Variants in LRP8 observed in about 807,000 individuals in gnomAD.
LRP8 encodes low-density lipoprotein receptor-related protein 8.
A neutral mutation model predicts 111.6 loss-of-function variants in LRP8; 46 were observed. The observed-to-expected ratio is 0.41, with a 90% CI of 0.33 to 0.53. The LOEUF is 0.53. Among genes scored for constraint, LRP8 ranks in the 20% least tolerant of loss-of-function variants. The probability of loss-of-function intolerance (pLI) is 0.20; values close to 1 mark genes in which losing one functional copy is unlikely to be tolerated. For missense variants in LRP8, 959 were observed against 1,297.4 expected, an observed-to-expected ratio of 0.74 and a Z score of 4.01; for synonymous variants, 464 against 511.2, an observed-to-expected ratio of 0.91 and a Z score of 1.24.
intron 8 of LRP8, chr1:53,268,101 A>G (rs1259334211): frequency 1.3e-5 from 2 of 152,452 alleles, no homozygotes; most frequent in East Asian, 3.8e-4. Flanking sequence ...AGTGTGGTAC[A>G]AATAGCATGG....
chr1:53,249,563 G>C lies in LRP8; in HGVS notation c.2677-7C>G. ...GATCAAAGCTGCTGATTGCCTGACA[G>C]GGGGATGGCACTGTGGATGACCTCT... On this transcript the variant is annotated splice_polypyrimidine_tract_variant and splice_region_variant and intron_variant, in intron 17 of 18. Transcript: ENST00000306052. This position sits in a 1 kb window ranked among gnomAD's most constrained non-coding sequence, Gnocchi z 4.1. The C allele has an allele frequency of 2.5e-6, 4 of 1,585,696 alleles. No individual in the cohort carries two copies. In the South Asian group the frequency reaches 3.4e-5, roughly 14 times the overall value.
At chr1:53,318,104 G>A (rs1360112062) in intron 2 of LRP8, among the ~76,000 whole-genome samples, 2 of 152,226 alleles carry the variant, frequency 1.3e-5, no homozygotes, top group Non-Finnish European at 2.9e-5. Flanking sequence ...GGAAAATGAA[G>A]TTCAGAGAGG....
intron 2 of LRP8, among the ~76,000 whole-genome samples, chr1:53,302,856 A>ATTTTTTTTTTTTTTTTTTTTTTT (rs769628078): frequency 7.9e-6 from 1 of 126,588 alleles, no homozygotes; most frequent in South Asian, 2.6e-4. Context: ...CACCCAGCTA[A>ATTTTTTTTTTTTTTTTTTTTTTT]TTTTTTTTTT....
chr1:53,282,477 T>C (rs952089279), intron 3 of LRP8, among the ~76,000 whole-genome samples: 1 of 151,618 alleles, frequency 6.6e-6, no homozygotes, highest in African/African-American at 2.4e-5. Context: ...AAACTGGGAG[T>C]TGGGAGATGG....
chr1:53,264,751 C>T (rs1572473978), intron 9 of LRP8, among the ~76,000 whole-genome samples: 1 of 152,106 alleles, frequency 6.6e-6, no homozygotes, highest in African/African-American at 2.4e-5. Flanking sequence ...TCCTGAAGGA[C>T]GAGTTCACCA....
At chr1:53,248,861 G>T (rs1488890062) in intron 18 of LRP8, among the ~76,000 whole-genome samples, 2 of 152,192 alleles carry the variant, frequency 1.3e-5, no homozygotes, top group Non-Finnish European at 2.9e-5. Flanking sequence ...TCTCACACGT[G>T]CTATCTCACT....
In LRP8 at chr1:53,275,557, T is replaced by C; in HGVS notation, c.1006+74A>G. ...GGACCAAGGGGAAACTCCTCCCAAC[T>C]CTGCCCTCTGGAGAGTTACCAGAGC... On this transcript the variant is annotated intron_variant, in intron 6 of 18. Transcript: ENST00000306052. This position sits in a 1 kb window ranked among gnomAD's most constrained non-coding sequence, Gnocchi z 4.4. The C allele has an allele frequency of 6.3e-7, 1 of 1,576,236 alleles. No homozygotes were observed. Among genetic ancestry groups the C allele is most frequent in the South Asian group, 1.1e-5 (1 of 87,944 alleles).
chr1:53,304,707 C>T (rs1456533319), intron 2 of LRP8: 3 of 152,392 alleles, frequency 2.0e-5, no homozygotes, highest in African/African-American at 7.2e-5. Context: ...GGACCACCCA[C>T]CCATCTGAGG....
At chr1:53,297,272 G>A (rs1376633568) in intron 2 of LRP8, among the ~76,000 whole-genome samples, 2 of 152,224 alleles carry the variant, frequency 1.3e-5, no homozygotes, top group Non-Finnish European at 2.9e-5. Context: ...GCCAGAGTCG[G>A]AGATGTCGAT....
At chr1:53,261,374 A>G (rs1646333706) in intron 12 of LRP8, among the ~76,000 whole-genome samples, 1 of 152,254 alleles carries the variant, frequency 6.6e-6, no homozygotes, top group South Asian at 2.1e-4. Context: ...TTTGCCCACA[A>G]CTTCAGAGCA....
chr1:53,313,487 G>C (rs774598882), intron 2 of LRP8, among the ~76,000 whole-genome samples: 40 of 152,116 alleles, frequency 2.6e-4, no homozygotes, highest in Non-Finnish European at 4.9e-4. Context: ...ACTGCATTGT[G>C]AACCACAGAC....
In LRP8 at chr1:53,292,136, C is replaced by G. The variant is rs139279520; in HGVS notation, c.245-2447G>C. 15 of 152,352 alleles carry G rather than the reference C, an allele frequency of 9.8e-5. No homozygotes were observed. In the East Asian group the frequency reaches 2.3e-3, roughly 23 times the overall value. The allele number at this position is 152,352 out of a possible 1,614,324, so 9.4% of individuals were successfully genotyped here. A position where few individuals can be genotyped will look rare whatever the true frequency, so the allele number is the denominator to read the frequency against. On this transcript the variant is annotated intron_variant, in intron 2 of 18. Coordinates refer to ENST00000306052, the MANE Select transcript of LRP8 (RefSeq NM_004631.5). ...TTCTGGGGCTGCAGGCCTGCTCCCC[C>G]TCCTCTGGGGAGCCTGGCAAGGATT...
intron 6 of LRP8, among the ~76,000 whole-genome samples, chr1:53,272,014 C>T (rs1646773996): frequency 6.6e-6 from 1 of 151,964 alleles, no homozygotes; most frequent in South Asian, 2.1e-4. Context: ...CTGGACAGGG[C>T]CCAGAGCTAG....
intron 6 of LRP8, chr1:53,272,655 G>A: frequency 3.1e-6 from 4 of 1,289,528 alleles, no homozygotes; most frequent in Non-Finnish European, 4.0e-6. Context: ...GAAAGAACAA[G>A]ACCACAGCAA....
At position 53,266,985 on chromosome 1, in the gene LRP8, A is replaced by G; in HGVS notation, c.1253-338T>C. Reference sequence around the variant, plus strand: ...GTCCAGCCTCATTACTCGCCTCTCCAACATAGCTTGATTCCACCTACCAGA... The same window carrying G: ...GTCCAGCCTCATTACTCGCCTCTCCGACATAGCTTGATTCCACCTACCAGA... On this transcript the variant is annotated intron_variant, in intron 8 of 18. Transcript: ENST00000306052. This position sits in a 1 kb window ranked among gnomAD's most constrained non-coding sequence, Gnocchi z 5.0. The G allele has an allele frequency of 4.3e-6, 1 of 234,048 alleles. No individual in the cohort carries two copies. Among genetic ancestry groups the G allele is most frequent in the Non-Finnish European group, 8.6e-6 (1 of 116,830 alleles). 14.5% of individuals were successfully genotyped at this position (234,048 alleles called of 1,614,324 possible).
intron 2 of LRP8, among the ~76,000 whole-genome samples, chr1:53,299,498 C>A (rs1650398334): frequency 6.6e-6 from 1 of 152,156 alleles, no homozygotes; most frequent in Admixed American, 6.5e-5. Context: ...CTGGAGTGCT[C>A]CTCTGTGCTG....
At chr1:53,321,233 G>C (rs971218428) in intron 2 of LRP8, among the ~76,000 whole-genome samples, 1 of 152,206 alleles carries the variant, frequency 6.6e-6, no homozygotes, top group African/African-American at 2.4e-5. Flanking sequence ...GGGCCTGAGG[G>C]GCTGGAGGAC....
intron 2 of LRP8, among the ~76,000 whole-genome samples, chr1:53,313,476 G>T (rs2100529659): frequency 6.6e-6 from 1 of 152,190 alleles, no homozygotes; most frequent in East Asian, 1.9e-4. Flanking sequence ...GAGGCTTGTG[G>T]ACTGCATTGT....
chr1:53,262,181 C>G lies in LRP8; in HGVS notation c.1801G>C (p.Val601Leu). The change falls in exon 12 of 19, where the codon GTA becomes CTA. Residue 601 changes from valine to leucine, a missense_variant. By Grantham distance (32) the Val-to-Leu change is conservative. Around this residue, in one of 3 missense-constraint regions of LRP8, gnomAD observed 819 missense variants for 1,097.6 expected, o/e 0.75. Coordinates refer to ENST00000306052, the MANE Select transcript of LRP8 (RefSeq NM_004631.5). The surrounding 1 kb of genome is among the most constrained non-coding windows in gnomAD (Gnocchi z 4.8). The stretch of plus-strand genomic sequence containing the variant: ...GACAGTTGGTGTAGCTTGGAGTCTA[C>G]CCAGTACAAGCGCTGGCTCAGCAGA... ...LDLLSQRLYW[V>L]DSKLHQLSSI... The G allele has an allele frequency of 6.2e-7, 1 of 1,613,762 alleles. No individual in the cohort carries two copies. The highest frequency in any genetic ancestry group is 8.5e-7 in the Non-Finnish European group (1 of 1,180,036).
Sources: allele counts gnomAD v4.1 joint callset (sites outside exome capture counted in the v4.1 genomes callset), GRCh38; gene constraint gnomAD v4.1.1; regional missense constraint gnomAD v4.1.1; non-coding constraint Gnocchi (gnomAD v3.1); transcripts MANE v1.5; gene names NCBI Gene and HGNC (gene_info 2026-07-23, HGNC 2026-07-21).